The following IFT80 variants were observed in gnomAD, a reference collection of about 807,000 sequenced individuals.
IFT80 encodes the protein intraflagellar transport 80.
A neutral mutation model predicts 107.9 loss-of-function variants in IFT80; 79 were observed. The observed-to-expected ratio is 0.73, with a 90% CI of 0.61 to 0.88. The LOEUF (loss-of-function observed/expected upper bound fraction) is 0.88, where lower values mean the gene tolerates loss of function less well. Ranked by LOEUF, IFT80 falls within the 40% of genes least tolerant of loss-of-function variation. The probability of loss-of-function intolerance (pLI) is 0.00; values close to 1 mark genes in which losing one functional copy is unlikely to be tolerated. For synonymous variants in IFT80, 299 were observed against 300.9 expected (o/e 0.99, Z 0.07); for missense variants, 797 against 914.2 (o/e 0.87, Z 1.65).
At chr3:160,344,473 C>A (rs1219162777) in intron 8 of IFT80, among the ~76,000 whole-genome samples, 1 of 152,090 alleles carries the variant, frequency 6.6e-6, no homozygotes, top group Admixed American at 6.6e-5. Flanking sequence ...AAATCGAAGA[C>A]CCAAACTATG....
intron 8 of IFT80, among the ~76,000 whole-genome samples, chr3:160,339,777 A>G (rs1719753819): frequency 6.6e-6 from 1 of 152,212 alleles, no homozygotes; most frequent in African/African-American, 2.4e-5. Flanking sequence ...TAGCCAACTA[A>G]AACACTAATG....
At chr3:160,286,809 T>C (rs1450924924) in intron 12 of IFT80, among the ~76,000 whole-genome samples, 1 of 152,226 alleles carries the variant, frequency 6.6e-6, no homozygotes, top group Admixed American at 6.5e-5. Context: ...GTTATTAATA[T>C]GCTACTCTGG....
At chr3:160,390,050 TA>T (rs1409257455) in intron 1 of IFT80, among the ~76,000 whole-genome samples, 15 of 152,086 alleles carry the variant, frequency 9.9e-5, no homozygotes, top group Non-Finnish European at 1.9e-4. Context: ...CCAGATACAG[TA>T]ACGAGAGATA....
intron 18 of IFT80, among the ~76,000 whole-genome samples, chr3:160,272,369 G>GA (rs1032965831): frequency 2.6e-5 from 4 of 152,010 alleles, no homozygotes; most frequent in African/African-American, 7.2e-5. Flanking sequence ...AATATTTACA[G>GA]AAAAAAATGA....
chr3:160,270,713 G>A (rs921886758), intron 18 of IFT80, among the ~76,000 whole-genome samples: 3 of 152,168 alleles, frequency 2.0e-5, no homozygotes, highest in African/African-American at 7.2e-5. Flanking sequence ...AGATGCCTCA[G>A]TTCTGCTAAC....
intron 2 of IFT80, 75 bp downstream of exon 2, chr3:160,384,489 A>T: frequency 7.2e-7 from 1 of 1,380,732 alleles, no homozygotes; most frequent in Non-Finnish European, 9.7e-7. Flanking sequence ...TTCAACTAGG[A>T]TATAAAATAG....
At chr3:160,329,080 C>CA (rs1343134162) in intron 8 of IFT80, among the ~76,000 whole-genome samples, 1 of 152,010 alleles carries the variant, frequency 6.6e-6, no homozygotes, top group Non-Finnish European at 1.5e-5. Context: ...ATAATCTGTA[C>CA]AACAAACTCC....
intron 5 of IFT80, among the ~76,000 whole-genome samples, chr3:160,367,251 A>C (rs1721932682): frequency 6.6e-6 from 1 of 152,070 alleles, no homozygotes; most frequent in Admixed American, 6.6e-5. Flanking sequence ...AAGTGTAGCT[A>C]TCTCTTTAAT....
Position 160,298,996 on chromosome 3 carries a change from T to C in IFT80, c.1315+1887A>G, listed in dbSNP as rs563751086. 1.7e-5 allele frequency: 7 copies of C among 423,760 alleles called. No homozygotes were observed. In the East Asian group the frequency reaches 1.1e-3, roughly 66 times the overall value. 26.2% of individuals were successfully genotyped at this position (423,760 alleles called of 1,614,324 possible). ...TCTGTTGTTGACTGAAATGTTACTATGCAGGGAATGACTGTACTTTATTAA... is the reference window on the plus strand; with the variant it reads ...TCTGTTGTTGACTGAAATGTTACTACGCAGGGAATGACTGTACTTTATTAA... On this transcript the variant is annotated intron_variant, in intron 12 of 19. Coordinates refer to ENST00000326448, the MANE Select transcript of IFT80 (RefSeq NM_020800.3).
intron 9 of IFT80, among the ~76,000 whole-genome samples, chr3:160,313,607 A>G (rs980255799): frequency 2.2e-4 from 34 of 151,168 alleles, no homozygotes; most frequent in African/African-American, 7.8e-4. Flanking sequence ...TTCTGTGCTG[A>G]ATTTTTTTTT....
At chr3:160,306,519 GCTTAA>G (rs1015011077) in intron 10 of IFT80, among the ~76,000 whole-genome samples, 2 of 151,920 alleles carry the variant, frequency 1.3e-5, no homozygotes, top group Non-Finnish European at 2.9e-5. Flanking sequence ...CATCTCAACT[GCTTAA>G]CTTAGTATCT....
chr3:160,307,698 T>C lies in IFT80; in HGVS notation c.1041A>G (p.Leu347=), dbSNP rs1474287632. Residue 347 remains leucine (L), a synonymous_variant, in exon 10 of 20, where the codon TTA becomes TTG. Coordinates refer to ENST00000326448, the MANE Select transcript of IFT80 (RefSeq NM_020800.3). The part of the protein sequence containing the change: ...VIKASLNYAH[L]VVSTSLQCYV... The stretch of plus-strand genomic sequence containing the variant: ...AACATTGAAGAGACGTTGAAACAAC[T>C]AAGTGTGCATAGTTCAAAGATGCTT... 6.3e-7 allele frequency: 1 copy of C among 1,595,500 alleles called. No individual in the cohort carries two copies. The highest frequency in any genetic ancestry group is 1.3e-5 in the African/African-American group (1 of 74,550).
rs1342100904 is a variant in IFT80, at chr3:160,258,183, CAA to C, written c.*340_*341del. On this transcript the variant is annotated 3_prime_UTR_variant, in exon 20 of 20. Transcript: ENST00000326448. ...TAGAAATTAATGGTAACATACATTT[CAA>C]AGAGTCCAATGTTTTATTATCGACA... 3.9e-6 allele frequency: 1 copy of C among 258,784 alleles called. No homozygotes were observed. Among genetic ancestry groups the C allele is most frequent in the East Asian group, 9.4e-5 (1 of 10,666 alleles). 16.0% of individuals were successfully genotyped at this position (258,784 alleles called of 1,614,324 possible). A position where few individuals can be genotyped will look rare whatever the true frequency, so the allele number is the denominator to read the frequency against.
chr3:160,348,467 G>A (rs1720451249), intron 8 of IFT80, among the ~76,000 whole-genome samples: 1 of 152,172 alleles, frequency 6.6e-6, no homozygotes, highest in South Asian at 2.1e-4. Flanking sequence ...ACAAAAACAA[G>A]TATTTGAACA....
chr3:160,291,429 A>G (rs1173907405), intron 12 of IFT80, among the ~76,000 whole-genome samples: 1 of 152,222 alleles, frequency 6.6e-6, no homozygotes, highest in Non-Finnish European at 1.5e-5. Flanking sequence ...TCATGAGTCT[A>G]CCTGCTCTGA....
At chr3:160,318,895 ACT>A (rs1346223967) in intron 9 of IFT80, among the ~76,000 whole-genome samples, 2 of 151,912 alleles carry the variant, frequency 1.3e-5, no homozygotes, top group Non-Finnish European at 2.9e-5. Context: ...AGGTCATAAG[ACT>A]CTCATGTGAG....
At chr3:160,371,339 T>A (rs1356164305) in intron 5 of IFT80, among the ~76,000 whole-genome samples, 1 of 152,056 alleles carries the variant, frequency 6.6e-6, no homozygotes, top group Non-Finnish European at 1.5e-5. Context: ...ATACATTCAC[T>A]CTCCCCAGAA....
chr3:160,280,393 T>G (rs779378316), intron 15 of IFT80, among the ~76,000 whole-genome samples: 2 of 152,166 alleles, frequency 1.3e-5, no homozygotes, highest in Non-Finnish European at 2.9e-5. Context: ...AATCACTTGA[T>G]CACACTGAGA....
chr3:160,329,226 GATCT>G (rs1718905544), intron 8 of IFT80, among the ~76,000 whole-genome samples: 1 of 152,100 alleles, frequency 6.6e-6, no homozygotes, highest in African/African-American at 2.4e-5. Context: ...AAATAAAAAA[GATCT>G]ATTTATCATG....
Sources: allele counts gnomAD v4.1 joint callset (sites outside exome capture counted in the v4.1 genomes callset), GRCh38; gene constraint gnomAD v4.1.1; transcripts MANE v1.5; gene names NCBI Gene and HGNC (gene_info 2026-07-23, HGNC 2026-07-21).